VWC2L: variants seen among roughly 807,000 people sequenced by gnomAD.
VWC2L encodes von Willebrand factor C domain-containing protein 2-like.
In VWC2L, 10 loss-of-function variants were observed where a neutral mutation model predicts 21.6. The observed-to-expected ratio is 0.46, with a 90% CI of 0.29 to 0.78. The LOEUF (loss-of-function observed/expected upper bound fraction) is 0.78, where lower values mean the gene tolerates loss of function less well. Ranked by LOEUF, VWC2L falls within the 30% of genes least tolerant of loss-of-function variation. The pLI, the probability that VWC2L is intolerant of heterozygous loss-of-function variation, is 0.10. For missense variants in VWC2L, 209 were observed against 277.1 expected, an observed-to-expected ratio of 0.75 and a Z score of 1.74; for synonymous variants, 96 against 94.3, an observed-to-expected ratio of 1.02 and a Z score of -0.10.
At chr2:214,524,650 C>G (rs141747098) in intron 3 of VWC2L, among the ~76,000 whole-genome samples, 2 of 152,266 alleles carry the variant, frequency 1.3e-5, no homozygotes, top group Admixed American at 6.5e-5. Context: ...GCCACATGGT[C>G]CCTGCCTGAA....
intron 3 of VWC2L, among the ~76,000 whole-genome samples, chr2:214,519,836 C>G (rs111581022): frequency 6.6e-6 from 1 of 152,184 alleles, no homozygotes; most frequent in African/African-American, 2.4e-5. Context: ...AATGATGCCT[C>G]TGCACCACAA....
chr2:214,491,508 T>C (rs1688745170), intron 3 of VWC2L, among the ~76,000 whole-genome samples: 1 of 152,196 alleles, frequency 6.6e-6, no homozygotes. Context: ...TTATCTCAAA[T>C]AGAATAAAGT....
intron 2 of VWC2L, 109 bp from the exon 3 acceptor site, chr2:214,436,520 T>C: frequency 7.3e-7 from 1 of 1,363,048 alleles, no homozygotes; most frequent in Non-Finnish European, 1.0e-6. Context: ...ATGGAATTAA[T>C]ACAGTAAAGC....
chr2:214,437,476 A>T (rs187976115), intron 3 of VWC2L, among the ~76,000 whole-genome samples: 4 of 152,290 alleles, frequency 2.6e-5, no homozygotes, highest in Non-Finnish European at 5.9e-5. Flanking sequence ...ATAGCGCATC[A>T]ACAAAGCCAA....
chr2:214,513,411 T>G (rs558126003), intron 3 of VWC2L, among the ~76,000 whole-genome samples: 26 of 152,150 alleles, frequency 1.7e-4, no homozygotes, highest in Non-Finnish European at 3.5e-4. Flanking sequence ...GGGCAATGTT[T>G]CTGAAGATGT....
At chr2:214,420,672 A>G (rs1702425406) in intron 2 of VWC2L, among the ~76,000 whole-genome samples, 1 of 152,192 alleles carries the variant, frequency 6.6e-6, no homozygotes, top group Non-Finnish European at 1.5e-5. Context: ...GAGGGTTTTC[A>G]TTTCTCAACA....
At chr2:214,419,864 G>A (rs1022433468) in intron 2 of VWC2L, among the ~76,000 whole-genome samples, 6 of 151,974 alleles carry the variant, frequency 3.9e-5, no homozygotes, top group Non-Finnish European at 7.4e-5. Flanking sequence ...AAGGGGACCC[G>A]CCTGGCCAAC....
At chr2:214,487,435 TC>T (rs1471470905) in intron 3 of VWC2L, among the ~76,000 whole-genome samples, 1 of 152,056 alleles carries the variant, frequency 6.6e-6, no homozygotes, top group African/African-American at 2.4e-5. Flanking sequence ...TTTTCAAGCC[TC>T]CTAAAGACAA....
At chr2:214,496,482 C>T (rs1001239788) in intron 3 of VWC2L, among the ~76,000 whole-genome samples, 1 of 152,116 alleles carries the variant, frequency 6.6e-6, no homozygotes, top group Admixed American at 6.5e-5. Context: ...ATCTGTCAAT[C>T]TACAAGGGCA....
intron 3 of VWC2L, among the ~76,000 whole-genome samples, chr2:214,453,539 C>T (rs1208870329): frequency 1.3e-5 from 2 of 152,126 alleles, no homozygotes; most frequent in Admixed American, 6.5e-5. Context: ...ATTGGTATTT[C>T]ATTGACTCTA....
At chr2:214,532,696 C>CAA (rs374620465) in intron 3 of VWC2L, among the ~76,000 whole-genome samples, 3 of 152,002 alleles carry the variant, frequency 2.0e-5, no homozygotes, top group Admixed American at 1.3e-4. Flanking sequence ...TATTTATAAG[C>CAA]AAAAAACCTG....
At chr2:214,469,452 G>A (rs74342165) in intron 3 of VWC2L, among the ~76,000 whole-genome samples, 10,438 of 152,172 alleles carry the variant, frequency 0.069, 1,148 homozygotes, top group African/African-American at 0.24. Flanking sequence ...ACAAAAAGCC[G>A]CGTGTGGTGG....
At chr2:214,558,813 G>GC (rs1559330637) in intron 3 of VWC2L, among the ~76,000 whole-genome samples, 1 of 144,046 alleles carries the variant, frequency 6.9e-6, no homozygotes, top group African/African-American at 2.5e-5. Context: ...CTATAGTTTT[G>GC]TTTTTTTTTT....
intron 3 of VWC2L, among the ~76,000 whole-genome samples, chr2:214,491,816 GA>G (rs369755228): frequency 0.017 from 2,513 of 149,782 alleles, 72 homozygotes; most frequent in African/African-American, 0.057. Context: ...GTGTAAAATA[GA>G]AAAAAAAAAT....
chr2:214,570,082 C>T (rs1004760924), intron 3 of VWC2L, among the ~76,000 whole-genome samples: 4 of 152,150 alleles, frequency 2.6e-5, no homozygotes, highest in East Asian at 1.9e-4. Context: ...TGGAAAAGAT[C>T]ATTTTAAATG....
At chr2:214,528,523 C>T (rs575072189) in intron 3 of VWC2L, among the ~76,000 whole-genome samples, 4 of 152,140 alleles carry the variant, frequency 2.6e-5, no homozygotes, top group Admixed American at 1.3e-4. Context: ...AGTTTTAGTT[C>T]CTTCAACTAT....
intron 3 of VWC2L, among the ~76,000 whole-genome samples, chr2:214,563,593 T>C (rs1232809403): frequency 7.6e-6 from 1 of 131,684 alleles, no homozygotes; most frequent in African/African-American, 3.0e-5. Flanking sequence ...CAAGTGGTTC[T>C]AAATGTGAAG....
At chr2:214,418,395 A>G (rs982440583) in intron 2 of VWC2L, among the ~76,000 whole-genome samples, 2 of 152,202 alleles carry the variant, frequency 1.3e-5, no homozygotes, top group African/African-American at 4.8e-5. Context: ...GGAAAGAGGA[A>G]AAAGTAGGAC....
intron 1 of VWC2L, among the ~76,000 whole-genome samples, chr2:214,413,704 A>AT (rs1294550383): frequency 2.0e-5 from 3 of 152,178 alleles, no homozygotes; most frequent in African/African-American, 7.2e-5. Context: ...GTTGACACAG[A>AT]TAATTATAAC....
Sources: gnomAD v4.1 joint callset for allele counts (sites outside exome capture counted in the v4.1 genomes callset) on GRCh38, gnomAD v4.1.1 for gene constraint, MANE v1.5 for transcripts, NCBI Gene and HGNC (gene_info 2026-07-23, HGNC 2026-07-21) for gene names.